CYB5A: variants seen among roughly 807,000 people sequenced by gnomAD.
The protein encoded by CYB5A is cytochrome b5 type A, also known as cytochrome b5.
Under a neutral mutation model 16.2 loss-of-function variants are expected in CYB5A, and 10 were observed. The observed-to-expected ratio is 0.62, with a 90% CI of 0.38 to 1.04. The LOEUF (loss-of-function observed/expected upper bound fraction) is 1.04. CYB5A is among the 50% of genes least tolerant of loss of function. The probability of loss-of-function intolerance (pLI) is 0.01; values close to 1 mark genes in which losing one functional copy is unlikely to be tolerated. For missense variants in CYB5A, 161 were observed against 165.9 expected (o/e 0.97, Z 0.16); for synonymous variants, 62 against 57.0 (o/e 1.09, Z -0.40).
intron 1 of CYB5A, among the ~76,000 whole-genome samples, chr18:74,270,063 A>T (rs910344649): frequency 2.0e-5 from 3 of 152,104 alleles, no homozygotes; most frequent in African/African-American, 7.2e-5. Context: ...ATGTCCTACA[A>T]GGCCCTTGCT....
intron 1 of CYB5A, among the ~76,000 whole-genome samples, chr18:74,291,383 C>G (rs1010528744): frequency 1.3e-5 from 2 of 149,222 alleles, no homozygotes; most frequent in African/African-American, 5.0e-5. Context: ...ATTCGGGGAG[C>G]GCTCCCAGGT....
At position 74,280,368 on chromosome 18, in the gene CYB5A, C is replaced by T. The variant is rs951365673; in HGVS notation, c.129+11379G>A. Among the ~76,000 whole-genome samples the T allele has an allele frequency of 1.4e-4, 21 of 148,584 alleles. 1 individual carries two copies. The highest frequency in any genetic ancestry group is 1.5e-5 in the Non-Finnish European group (1 of 67,460). On this transcript the variant is annotated intron_variant, in intron 1 of 4. Transcript: ENST00000340533. ...CACTTGAGCCTCAGAAGTTTGAGACCAGCTGGCAGCTGGGCAACACGGCAA... is the reference window on the plus strand; with the variant it reads ...CACTTGAGCCTCAGAAGTTTGAGACTAGCTGGCAGCTGGGCAACACGGCAA...
At chr18:74,284,739 C>T (rs1892294636) in intron 1 of CYB5A, among the ~76,000 whole-genome samples, 1 of 152,182 alleles carries the variant, frequency 6.6e-6, no homozygotes, top group Admixed American at 6.5e-5. Context: ...TCCCTTAGGT[C>T]CACATCCCTT....
intron 1 of CYB5A, among the ~76,000 whole-genome samples, chr18:74,289,432 G>A (rs1465796366): frequency 6.6e-6 from 1 of 152,140 alleles, no homozygotes; most frequent in Non-Finnish European, 1.5e-5. Flanking sequence ...GAGATTATGT[G>A]CCCTAGGGGA....
chr18:74,263,010 G>A (rs2042063), intron 2 of CYB5A, among the ~76,000 whole-genome samples: 143,313 of 152,142 alleles, frequency 0.94, 67,956 homozygotes, highest in East Asian at 1. Flanking sequence ...TTTATCAGGC[G>A]TGGAGGTGTG....
intron 1 of CYB5A, among the ~76,000 whole-genome samples, chr18:74,276,152 A>C (rs1982866858): frequency 6.6e-6 from 1 of 152,174 alleles, no homozygotes; most frequent in African/African-American, 2.4e-5. Flanking sequence ...GTGAAGGTGA[A>C]AAATCCCAGA....
chr18:74,272,505 T>TA (rs754970225), intron 1 of CYB5A, among the ~76,000 whole-genome samples: 3 of 152,234 alleles, frequency 2.0e-5, no homozygotes, highest in Admixed American at 6.5e-5. Flanking sequence ...TATCTATTTC[T>TA]AACAATTCTG....
intron 1 of CYB5A, among the ~76,000 whole-genome samples, chr18:74,280,130 T>A (rs145404248): frequency 3.3e-5 from 5 of 152,272 alleles, no homozygotes; most frequent in African/African-American, 1.2e-4. Context: ...GAGGTGATAG[T>A]GAGTGAGTAC....
chr18:74,286,484 GT>G (rs1983324283), intron 1 of CYB5A, among the ~76,000 whole-genome samples: 1 of 152,112 alleles, frequency 6.6e-6, no homozygotes, highest in East Asian at 1.9e-4. Context: ...TCAAAATATA[GT>G]CACTTAAATG....
chr18:74,280,021 A>G (rs1372285362), intron 1 of CYB5A, among the ~76,000 whole-genome samples: 1 of 152,218 alleles, frequency 6.6e-6, no homozygotes, highest in Non-Finnish European at 1.5e-5. Context: ...ACAAGGTAAT[A>G]CATGCTACAG....
chr18:74,274,497 C>A (rs780077468), intron 1 of CYB5A, among the ~76,000 whole-genome samples: 11 of 152,214 alleles, frequency 7.2e-5, no homozygotes, highest in Admixed American at 1.3e-4. Context: ...AGGCAATAAT[C>A]GTAAGGAGAA....
chr18:74,253,542 G>T lies in CYB5A; in HGVS notation c.*42C>A. ...TTAGCAATGGCTTCTTTTCTCCCGTGTCCAAAGCAGGCTCTTCCTGCGCTG... is the reference window on the plus strand; with the variant it reads ...TTAGCAATGGCTTCTTTTCTCCCGTTTCCAAAGCAGGCTCTTCCTGCGCTG... On this transcript the variant is annotated 3_prime_UTR_variant, in exon 5 of 5. Transcript: ENST00000340533. 7.5e-7 allele frequency: 1 copy of T among 1,340,114 alleles called. No homozygotes were observed. Among genetic ancestry groups the T allele is most frequent in the Non-Finnish European group, 1.1e-6 (1 of 933,304 alleles). 83.0% of individuals were successfully genotyped at this position (1,340,114 alleles called of 1,614,324 possible).
At chr18:74,259,936 G>C (rs1417667237) in intron 3 of CYB5A, 12 of 102,066 alleles carry the variant, frequency 1.2e-4, no homozygotes, top group Non-Finnish European at 2.4e-5. Context: ...TCTTGAATAA[G>C]GAGAGAATAT....
chr18:74,281,493 G>A (rs1200004624), intron 1 of CYB5A, among the ~76,000 whole-genome samples: 1 of 152,228 alleles, frequency 6.6e-6, no homozygotes, highest in Admixed American at 6.5e-5. Context: ...GGAACCAGGA[G>A]AGGATGGCAA....
In CYB5A at chr18:74,263,337, A is replaced by C; in HGVS notation, c.258+12T>G. The stretch of plus-strand genomic sequence containing the variant: ...AAATACAAATAAGAAAGGGCCCCCA[A>C]AATGTACTTACTGGATGGAGCTCCC... On this transcript the variant is annotated intron_variant, in intron 2 of 4. Transcript: ENST00000340533. 6.2e-7 allele frequency: 1 copy of C among 1,613,942 alleles called. No individual in the cohort carries two copies. Among genetic ancestry groups the C allele is most frequent in the Non-Finnish European group, 8.5e-7 (1 of 1,179,870 alleles).
intron 1 of CYB5A, among the ~76,000 whole-genome samples, chr18:74,269,228 C>A (rs536444672): frequency 2.0e-5 from 3 of 152,264 alleles, no homozygotes; most frequent in African/African-American, 7.2e-5. Context: ...CATAAAAGTT[C>A]GCAGCAGAAT....
chr18:74,254,491 A>G (rs1001845015), intron 4 of CYB5A, among the ~76,000 whole-genome samples: 2 of 151,546 alleles, frequency 1.3e-5, no homozygotes, highest in African/African-American at 4.8e-5. Context: ...ATCAGGGACA[A>G]AGGAGGGATG....
intron 1 of CYB5A, among the ~76,000 whole-genome samples, chr18:74,273,817 A>G (rs1788636): frequency 0.99 from 150,911 of 152,342 alleles, 74,765 homozygotes; most frequent in Middle Eastern, 1. Flanking sequence ...TCATACCTAC[A>G]TAAGAACCTC....
At chr18:74,288,554 G>A (rs1304941092) in intron 1 of CYB5A, among the ~76,000 whole-genome samples, 1 of 152,184 alleles carries the variant, frequency 6.6e-6, no homozygotes, top group Non-Finnish European at 1.5e-5. Flanking sequence ...AAGAGGATCG[G>A]GCAAGCGGGG....
Sources: gnomAD v4.1 joint callset for allele counts (sites outside exome capture counted in the v4.1 genomes callset) on GRCh38, gnomAD v4.1.1 for gene constraint, MANE v1.5 for transcripts, NCBI Gene and HGNC (gene_info 2026-07-23, HGNC 2026-07-21) for gene names.